The following SLC25A24 variants were observed in gnomAD, a reference collection of about 807,000 sequenced individuals.
The protein encoded by SLC25A24 is solute carrier family 25 member 24.
In SLC25A24, 49 loss-of-function variants were observed where a neutral mutation model predicts 60.7. That is an observed-to-expected ratio of 0.81 (90% CI 0.64 to 1.02). SLC25A24 has a LOEUF of 1.02. Among genes scored for constraint, SLC25A24 ranks in the 50% least tolerant of loss-of-function variants. The pLI is 0.00. For missense variants in SLC25A24, 564 were observed against 586.3 expected (o/e 0.96, Z 0.39); for synonymous variants, 202 against 200.6 (o/e 1.01, Z -0.06).
intron 1 of SLC25A24, chr1:108,192,927 C>G (rs1036724643): frequency 5.9e-6 from 2 of 338,990 alleles, no homozygotes; most frequent in African/African-American, 4.2e-5. Context: ...TCAGAAGCCC[C>G]GGCTCCCACT....
chr1:108,165,019 C>T (rs1032646774), intron 3 of SLC25A24, among the ~76,000 whole-genome samples: 4 of 146,718 alleles, frequency 2.7e-5, no homozygotes, highest in East Asian at 2.0e-4. Flanking sequence ...TTTCAAAGAG[C>T]GTCTTTATTT....
chr1:108,198,308 C>G (rs1014740191), intron 1 of SLC25A24, among the ~76,000 whole-genome samples: 5 of 152,080 alleles, frequency 3.3e-5, no homozygotes, highest in Non-Finnish European at 7.4e-5. Context: ...CCTGAATGAG[C>G]GAGGATGTGG....
chr1:108,152,412 G>A (rs963163278), intron 6 of SLC25A24, among the ~76,000 whole-genome samples: 1 of 151,754 alleles, frequency 6.6e-6, no homozygotes, highest in African/African-American at 2.4e-5. Context: ...TATCACCCAG[G>A]CTAGATTGCA....
intron 3 of SLC25A24, among the ~76,000 whole-genome samples, chr1:108,165,373 G>A (rs1177584722): frequency 5.3e-5 from 8 of 152,062 alleles, no homozygotes; most frequent in Non-Finnish European, 8.8e-5. Context: ...TCATTGGTCT[G>A]TCTAATGTTG....
intron 2 of SLC25A24, among the ~76,000 whole-genome samples, 179 bp downstream of exon 2, chr1:108,185,649 A>G (rs1648098048): frequency 6.6e-6 from 1 of 152,140 alleles, no homozygotes; most frequent in African/African-American, 2.4e-5. Flanking sequence ...GCTATCTATA[A>G]GTTTTCTTCA....
chr1:108,171,238 T>A (rs1647450940), intron 3 of SLC25A24, among the ~76,000 whole-genome samples: 1 of 152,136 alleles, frequency 6.6e-6, no homozygotes, highest in Non-Finnish European at 1.5e-5. Flanking sequence ...CACATATATA[T>A]AACAAAGTCT....
intron 1 of SLC25A24, among the ~76,000 whole-genome samples, chr1:108,193,612 A>T (rs978456806): frequency 1.4e-5 from 2 of 139,904 alleles, no homozygotes; most frequent in Non-Finnish European, 3.1e-5. Flanking sequence ...TGTTGTAGGA[A>T]TCCTTTTCTA....
chr1:108,185,635 A>T (rs559371407), intron 2 of SLC25A24, among the ~76,000 whole-genome samples, 193 bp downstream of exon 2: 97 of 152,276 alleles, frequency 6.4e-4, no homozygotes, highest in African/African-American at 2.2e-3. Flanking sequence ...AATGAAAAAG[A>T]AAAGCTATCT....
chr1:108,148,072 C>T (rs770271285), intron 7 of SLC25A24, among the ~76,000 whole-genome samples: 8 of 152,280 alleles, frequency 5.3e-5, no homozygotes, highest in Admixed American at 1.3e-4. Flanking sequence ...CAGCTGATTC[C>T]AAGCTCTGAC....
Position 108,200,296 on chromosome 1 carries a change from G to GA in SLC25A24, c.-159_-158insT. 13 of 570,556 alleles carry GA rather than the reference G, an allele frequency of 2.3e-5. No homozygotes were observed. Among genetic ancestry groups the GA allele is most frequent in the Non-Finnish European group, 3.4e-5 (13 of 387,922 alleles). The allele number at this position is 570,556 out of a possible 1,614,324, so 35.3% of individuals were successfully genotyped here. ...TGCGGCTGCGGCGCGCAGGGCGCAG[G>GA]GCGCAGGAGCGGAGACCCCACCCGA... On this transcript the variant is annotated 5_prime_UTR_variant, in exon 1 of 10. Transcript: ENST00000565488.
chr1:108,137,261 C>G (rs2101593220), intron 9 of SLC25A24, among the ~76,000 whole-genome samples: 1 of 152,288 alleles, frequency 6.6e-6, no homozygotes, highest in South Asian at 2.1e-4. Flanking sequence ...AGTGCTGCTG[C>G]TGCCTCCTTC....
intron 6 of SLC25A24, among the ~76,000 whole-genome samples, chr1:108,149,284 G>C (rs1679693052): frequency 6.6e-6 from 1 of 152,072 alleles, no homozygotes; most frequent in South Asian, 2.1e-4. Context: ...CTGGACCAAG[G>C]GTATAAATAT....
intron 8 of SLC25A24, among the ~76,000 whole-genome samples, chr1:108,141,926 C>A (rs1050685775): frequency 1.3e-5 from 2 of 152,104 alleles, no homozygotes; most frequent in East Asian, 3.8e-4. Context: ...TTCTAGAGAT[C>A]TGTTGCACAA....
intron 5 of SLC25A24, among the ~76,000 whole-genome samples, chr1:108,155,660 G>T (rs1298100924): frequency 1.3e-5 from 2 of 151,948 alleles, no homozygotes; most frequent in Admixed American, 6.6e-5. Context: ...GTATATCAGG[G>T]CTACCAACAC....
chr1:108,151,599 A>C (rs899530799), intron 6 of SLC25A24, among the ~76,000 whole-genome samples: 16 of 152,078 alleles, frequency 1.1e-4, no homozygotes, highest in African/African-American at 3.9e-4. Context: ...GTCCTTTGCA[A>C]GTTTCTTCTT....
At chr1:108,195,922 T>A (rs998801483) in intron 1 of SLC25A24, among the ~76,000 whole-genome samples, 2 of 149,600 alleles carry the variant, frequency 1.3e-5, no homozygotes, top group African/African-American at 4.9e-5. Flanking sequence ...ATCGCTTGAA[T>A]CCAGGAAGCA....
At chr1:108,145,257 G>A (rs1225042381) in intron 7 of SLC25A24, among the ~76,000 whole-genome samples, 2 of 151,894 alleles carry the variant, frequency 1.3e-5, no homozygotes, top group African/African-American at 4.8e-5. Context: ...CCACTTTTTG[G>A]TGGGTTTTTT....
intron 3 of SLC25A24, among the ~76,000 whole-genome samples, chr1:108,165,690 T>C (rs576633272): frequency 2.0e-5 from 3 of 152,344 alleles, no homozygotes; most frequent in South Asian, 2.1e-4. Flanking sequence ...TGTGTGTCTC[T>C]ACATGTGAGA....
chr1:108,173,402 A>G (rs991620147), intron 3 of SLC25A24, among the ~76,000 whole-genome samples: 2 of 152,144 alleles, frequency 1.3e-5, no homozygotes, highest in Non-Finnish European at 2.9e-5. Context: ...CACCATGTGA[A>G]GGACATGTTT....
Sources: allele counts gnomAD v4.1 joint callset (sites outside exome capture counted in the v4.1 genomes callset), GRCh38; gene constraint gnomAD v4.1.1; transcripts MANE v1.5; gene names NCBI Gene and HGNC (gene_info 2026-07-23, HGNC 2026-07-21).